Variants in APBB2 observed in about 807,000 individuals in gnomAD.
The protein encoded by APBB2 is Fe65-like 1.
Under a neutral mutation model 82.5 loss-of-function variants are expected in APBB2, and 38 were observed. The observed-to-expected ratio is 0.46, with a 90% confidence interval of 0.36 to 0.60. The LOEUF is 0.60. Ranked by LOEUF, APBB2 falls within the 20% of genes least tolerant of loss-of-function variation. APBB2 has a pLI of 0.00. For synonymous variants in APBB2, 341 were observed against 368.2 expected, an observed-to-expected ratio of 0.93 and a Z score of 0.85; for missense variants, 772 against 972.3, an observed-to-expected ratio of 0.79 and a Z score of 2.74.
chr4:40,960,173 A>G (rs1283272657), intron 6 of APBB2, among the ~76,000 whole-genome samples: 4 of 152,158 alleles, frequency 2.6e-5, no homozygotes, highest in Non-Finnish European at 4.4e-5. Context: ...GTACAGAGAA[A>G]AACGTTTTTC....
intron 12 of APBB2, among the ~76,000 whole-genome samples, chr4:40,851,774 G>A (rs1224165729): frequency 4.0e-5 from 5 of 123,878 alleles, no homozygotes; most frequent in Non-Finnish European, 6.4e-5. Flanking sequence ...CCAAACCAAA[G>A]TTATCTCAAA....
chr4:40,865,402 G>A (rs76436336), intron 12 of APBB2, among the ~76,000 whole-genome samples: 2,662 of 152,286 alleles, frequency 0.017, 71 homozygotes, highest in African/African-American at 0.061. Flanking sequence ...GGTAGGGTTA[G>A]GAGAGTAAGA....
At chr4:40,958,644 C>T (rs2154388699) in intron 6 of APBB2, among the ~76,000 whole-genome samples, 1 of 152,222 alleles carries the variant, frequency 6.6e-6, no homozygotes, top group East Asian at 1.9e-4. Flanking sequence ...CTTGCTTTGT[C>T]ACCCAGGCTG....
chr4:40,850,731 CG>C (rs759807468), intron 12 of APBB2, among the ~76,000 whole-genome samples: 3 of 152,104 alleles, frequency 2.0e-5, no homozygotes. Flanking sequence ...GGCCAGTGCC[CG>C]GGAGTTCGAG....
At chr4:40,932,554 C>T (rs1282719941) in intron 10 of APBB2, among the ~76,000 whole-genome samples, 2 of 152,018 alleles carry the variant, frequency 1.3e-5, no homozygotes, top group African/African-American at 4.8e-5. Flanking sequence ...AACCTATTTG[C>T]GATGTTACTT....
At position 40,832,049 on chromosome 4, in the gene APBB2, C is replaced by CACACACACACACAT. The variant is rs34024437; in HGVS notation, c.1530-1473_1530-1472insATGTGTGTGTGTGT. On this transcript the variant is annotated intron_variant, in intron 12 of 17. Coordinates refer to ENST00000508593, the MANE Select transcript of APBB2 (RefSeq NM_004307.2). This position sits in a 1 kb window ranked among gnomAD's most constrained non-coding sequence, Gnocchi z 4.8. ...ACACACACACACACACACACACACA[C>CACACACACACACAT]ACATATACACCAAGCTTTACCCATC... is the stretch of plus-strand genomic sequence containing the variant. Among the ~76,000 whole-genome samples the CACACACACACACAT allele has an allele frequency of 2.6e-5, 4 of 151,518 alleles. No individual in the cohort carries two copies. Among genetic ancestry groups the CACACACACACACAT allele is most frequent in the African/African-American group, 7.3e-5 (3 of 41,226 alleles).
intron 12 of APBB2, among the ~76,000 whole-genome samples, chr4:40,883,320 C>T (rs994269266): frequency 3.3e-5 from 5 of 152,132 alleles, no homozygotes; most frequent in African/African-American, 4.8e-5. Context: ...GAGACGGTGG[C>T]TCACACCAGT....
At chr4:41,089,542 G>A (rs1740983904) in intron 3 of APBB2, among the ~76,000 whole-genome samples, 1 of 151,926 alleles carries the variant, frequency 6.6e-6, no homozygotes, top group Non-Finnish European at 1.5e-5. Flanking sequence ...ACCAACCTTT[G>A]TGTTATACAC....
intron 1 of APBB2, among the ~76,000 whole-genome samples, chr4:41,214,127 C>G (rs1780038211): frequency 6.6e-6 from 1 of 152,182 alleles, no homozygotes; most frequent in Admixed American, 6.5e-5. Context: ...AGAGTGAGCC[C>G]GCAGTCGCCG....
chr4:40,896,179 C>T (rs757369288), intron 10 of APBB2, among the ~76,000 whole-genome samples: 1 of 152,138 alleles, frequency 6.6e-6, no homozygotes, highest in South Asian at 2.1e-4. Flanking sequence ...ATCCTTCTGC[C>T]TCAGCCTCCC....
chr4:40,901,208 AG>A (rs1003110451), intron 10 of APBB2, among the ~76,000 whole-genome samples: 1 of 152,196 alleles, frequency 6.6e-6, no homozygotes, highest in Non-Finnish European at 1.5e-5. Flanking sequence ...TGGACCTCAT[AG>A]GGTCCTGGCA....
intron 7 of APBB2, among the ~76,000 whole-genome samples, chr4:40,938,262 T>A (rs10007030): frequency 0.36 from 54,963 of 151,988 alleles, 10,360 homozygotes; most frequent in Non-Finnish European, 0.42. Context: ...CCTCCCTTTC[T>A]CTGATTACTT....
In APBB2 at chr4:40,826,567, C is replaced by G. The variant is rs900458547; in HGVS notation, c.1732+565G>C. On this transcript the variant is annotated intron_variant, in intron 14 of 17. Coordinates refer to ENST00000508593, the MANE Select transcript of APBB2 (RefSeq NM_004307.2). The surrounding 1 kb of genome is among the most constrained non-coding windows in gnomAD (Gnocchi z 4.5). The stretch of plus-strand genomic sequence containing the variant: ...TGTTGCACAGGCTGGTCTTGAACTC[C>G]TAAGCTCAGGCAATCCACCCGCCTC... 6.4e-6 allele frequency: 1 copy of G among 157,094 alleles called. No individual in the cohort carries two copies. The highest frequency in any genetic ancestry group is 1.4e-5 in the Non-Finnish European group (1 of 71,510). 9.7% of individuals were successfully genotyped at this position (157,094 alleles called of 1,614,324 possible).
intron 1 of APBB2, among the ~76,000 whole-genome samples, chr4:41,192,324 A>G (rs1278588624): frequency 6.6e-6 from 1 of 152,240 alleles, no homozygotes; most frequent in Non-Finnish European, 1.5e-5. Flanking sequence ...CCATCTCATT[A>G]AGATATCTGC....
chr4:41,080,192 G>A (rs772847673), intron 3 of APBB2, among the ~76,000 whole-genome samples: 5 of 152,170 alleles, frequency 3.3e-5, no homozygotes, highest in Non-Finnish European at 7.3e-5. Context: ...CAATATTGCT[G>A]AAAAGCTACA....
At chr4:41,082,056 G>C (rs2153934134) in intron 3 of APBB2, among the ~76,000 whole-genome samples, 1 of 152,098 alleles carries the variant, frequency 6.6e-6, no homozygotes, top group African/African-American at 2.4e-5. Context: ...GTATGTTGGA[G>C]GAACATGACA....
chr4:41,027,364 C>CATATATATATATATAT (rs36224955), intron 5 of APBB2, among the ~76,000 whole-genome samples: 28 of 127,440 alleles, frequency 2.2e-4, no homozygotes, highest in East Asian at 4.2e-4. Flanking sequence ...CATATTGTTA[C>CATATATATATATATAT]ATATATATAT....
At chr4:41,074,484 T>A (rs1373930315) in intron 3 of APBB2, among the ~76,000 whole-genome samples, 1 of 152,128 alleles carries the variant, frequency 6.6e-6, no homozygotes, top group East Asian at 1.9e-4. Context: ...AACCTGCAAA[T>A]AGAAAGATTT....
chr4:40,833,069 T>C (rs1412611501), intron 12 of APBB2, among the ~76,000 whole-genome samples: 1 of 152,150 alleles, frequency 6.6e-6, no homozygotes, highest in African/African-American at 2.4e-5. Flanking sequence ...ACATAAGAAA[T>C]GGACAGAAGA....
Sources: allele counts gnomAD v4.1 joint callset (sites outside exome capture counted in the v4.1 genomes callset), GRCh38; gene constraint gnomAD v4.1.1; non-coding constraint Gnocchi (gnomAD v3.1); transcripts MANE v1.5; gene names NCBI Gene and HGNC (gene_info 2026-07-23, HGNC 2026-07-21).